SGCZ: variants seen among roughly 807,000 people sequenced by gnomAD.
SGCZ encodes zeta-sarcoglycan.
Under a neutral mutation model 41.3 loss-of-function variants are expected in SGCZ, and 40 were observed. The observed-to-expected ratio is 0.97, with a 90% CI of 0.75 to 1.26. The LOEUF (loss-of-function observed/expected upper bound fraction) is 1.26, where lower values mean the gene tolerates loss of function less well. Ranked by LOEUF, SGCZ falls within the 50% of genes most tolerant of loss-of-function variation. The probability of loss-of-function intolerance (pLI) is 0.00; values close to 1 mark genes in which losing one functional copy is unlikely to be tolerated. For synonymous variants in SGCZ, 206 were observed against 137.5 expected (o/e 1.50, Z -3.49); for missense variants, 552 against 369.8 (o/e 1.49, Z -4.04).
chr8:15,170,806 G>C (rs1799805940), intron 1 of SGCZ, among the ~76,000 whole-genome samples: 1 of 152,152 alleles, frequency 6.6e-6, no homozygotes, highest in Non-Finnish European at 1.5e-5. Context: ...ACATCAACTA[G>C]ACTTTTGATA....
At chr8:14,998,942 T>A (rs925366348) in intron 1 of SGCZ, among the ~76,000 whole-genome samples, 5 of 152,216 alleles carry the variant, frequency 3.3e-5, no homozygotes, top group Admixed American at 2.0e-4. Flanking sequence ...ATGCTCTGTT[T>A]TAGGATTAAA....
rs578176128 is a variant in SGCZ at position 14,515,774 on chromosome 8, G to C, written c.234+38958C>G. ...ACACTTCCAATAATGGTAGCTGAGT[G>C]AGCCAATTTTCTAGCACCTTTGCCT... On this transcript the variant is annotated intron_variant, in intron 2 of 7. Transcript: ENST00000382080. 2.0e-5 allele frequency among the ~76,000 whole-genome samples: 3 copies of C among 152,152 alleles called. No homozygotes were observed. The East Asian group carries it at 5.8e-4, about 29-fold the overall frequency.
chr8:14,287,485 A>C (rs1460680736), intron 3 of SGCZ, among the ~76,000 whole-genome samples: 1 of 152,048 alleles, frequency 6.6e-6, no homozygotes, highest in Non-Finnish European at 1.5e-5. Context: ...TTGCCCTGTA[A>C]GATATTAATG....
intron 1 of SGCZ, among the ~76,000 whole-genome samples, chr8:14,715,382 A>G (rs1165289838): frequency 6.6e-6 from 1 of 152,164 alleles, no homozygotes; most frequent in Non-Finnish European, 1.5e-5. Context: ...TAAAGAACAA[A>G]AAAGAGCTGG....
intron 2 of SGCZ, among the ~76,000 whole-genome samples, chr8:14,486,660 A>G (rs940765124): frequency 2.6e-5 from 4 of 152,038 alleles, no homozygotes; most frequent in African/African-American, 4.8e-5. Context: ...TGCAGTCTCA[A>G]CCTCCTGGGA....
intron 1 of SGCZ, among the ~76,000 whole-genome samples, chr8:15,104,152 A>T (rs1806725206): frequency 6.6e-6 from 1 of 152,164 alleles, no homozygotes; most frequent in African/African-American, 2.4e-5. Flanking sequence ...ATGTGCCCCC[A>T]ACTTATCAAA....
intron 2 of SGCZ, among the ~76,000 whole-genome samples, chr8:14,335,899 A>G (rs193180853): frequency 2.1e-4 from 32 of 152,098 alleles, no homozygotes; most frequent in African/African-American, 7.5e-4. Context: ...TTAATTCCAA[A>G]ATTTATTTTT....
chr8:14,303,185 A>G lies in SGCZ; in HGVS notation c.336+20918T>C, dbSNP rs976753630. Among the ~76,000 whole-genome samples the G allele has an allele frequency of 9.2e-5, 14 of 152,218 alleles. 1 individual carries two copies. On this transcript the variant is annotated intron_variant, in intron 3 of 7. Coordinates refer to ENST00000382080, the MANE Select transcript of SGCZ (RefSeq NM_139167.4). ...TCCAAACATGTCAGAAGCAGTTTCT[A>G]CAGGGAATAATGCACCTCAACGCAT...
At chr8:15,115,092 T>C (rs1241772275) in intron 1 of SGCZ, among the ~76,000 whole-genome samples, 4 of 151,914 alleles carry the variant, frequency 2.6e-5, no homozygotes, top group African/African-American at 9.7e-5. Flanking sequence ...AAAATAAAAA[T>C]ATAAGAGTTT....
chr8:15,174,922 A>AC lies in SGCZ; in HGVS notation c.39+62662_39+62663insG, dbSNP rs537826848. 6.6e-3 allele frequency among the ~76,000 whole-genome samples: 1,002 copies of AC among 152,254 alleles called. 12 individuals are homozygous for AC. The highest frequency in any genetic ancestry group is 0.023 in the African/African-American group (963 of 41,532). ...AGGAGTGTAAATTAATTCAACTGTC[A>AC]TGGAAAACAGTGTGGCGATTCCTCA... On this transcript the variant is annotated intron_variant, in intron 1 of 7. Transcript: ENST00000382080.
intron 2 of SGCZ, among the ~76,000 whole-genome samples, chr8:14,496,939 G>A (rs959395599): frequency 6.6e-6 from 1 of 151,960 alleles, no homozygotes; most frequent in East Asian, 1.9e-4. Context: ...CATTGTTGTA[G>A]GTTCTTTTAG....
intron 3 of SGCZ, among the ~76,000 whole-genome samples, chr8:14,241,031 A>G (rs1349788553): frequency 6.6e-6 from 1 of 152,208 alleles, no homozygotes; most frequent in East Asian, 1.9e-4. Flanking sequence ...AAAGAAAGAC[A>G]TTTAAGAAAT....
chr8:14,333,804 C>G (rs2117058063), intron 2 of SGCZ, among the ~76,000 whole-genome samples: 1 of 152,214 alleles, frequency 6.6e-6, no homozygotes, highest in African/African-American at 2.4e-5. Context: ...ATTTTACCAA[C>G]TCTGAAGAAA....
intron 1 of SGCZ, among the ~76,000 whole-genome samples, chr8:14,558,530 G>T (rs1052062461): frequency 3.3e-5 from 5 of 149,800 alleles, no homozygotes; most frequent in Non-Finnish European, 5.9e-5. Flanking sequence ...AGCAGAGATG[G>T]TGCCACTGCA....
intron 1 of SGCZ, among the ~76,000 whole-genome samples, chr8:14,745,298 G>A (rs1287612602): frequency 6.6e-6 from 1 of 152,102 alleles, no homozygotes; most frequent in East Asian, 1.9e-4. Flanking sequence ...GGTGCCAAAT[G>A]CATGGCAGTC....
intron 1 of SGCZ, among the ~76,000 whole-genome samples, chr8:14,976,126 G>C (rs542469456): frequency 6.6e-6 from 1 of 151,212 alleles, no homozygotes; most frequent in African/African-American, 2.4e-5. Flanking sequence ...GGTTTCAAGC[G>C]ATTCTCTCGC....
At chr8:14,683,362 A>C (rs917836348) in intron 1 of SGCZ, among the ~76,000 whole-genome samples, 1 of 152,198 alleles carries the variant, frequency 6.6e-6, no homozygotes, top group Non-Finnish European at 1.5e-5. Flanking sequence ...AAATTTCAGA[A>C]CTACAAAAAC....
intron 1 of SGCZ, among the ~76,000 whole-genome samples, chr8:15,015,012 C>T (rs1043431254): frequency 9.9e-5 from 15 of 152,276 alleles, no homozygotes; most frequent in Admixed American, 3.9e-4. Flanking sequence ...GAGGCCAAGG[C>T]GGGTAGACCA....
intron 1 of SGCZ, among the ~76,000 whole-genome samples, chr8:15,039,247 G>A (rs890017958): frequency 6.6e-6 from 1 of 152,120 alleles, no homozygotes; most frequent in Non-Finnish European, 1.5e-5. Context: ...TTGATGGATG[G>A]ATGAATAAAG....
Sources: allele counts gnomAD v4.1 joint callset (sites outside exome capture counted in the v4.1 genomes callset), GRCh38; gene constraint gnomAD v4.1.1; transcripts MANE v1.5; gene names NCBI Gene and HGNC (gene_info 2026-07-23, HGNC 2026-07-21).